Variants in SLC30A6 observed in about 807,000 individuals in gnomAD.
The protein encoded by SLC30A6 is zinc transporter 6.
A neutral mutation model predicts 63.0 loss-of-function variants in SLC30A6; 55 were observed. The observed-to-expected ratio is 0.87, with a 90% CI of 0.70 to 1.09. The LOEUF is 1.09. SLC30A6 is among the 50% of genes least tolerant of loss of function. The probability of loss-of-function intolerance (pLI) is 0.00; values close to 1 mark genes in which losing one functional copy is unlikely to be tolerated. For synonymous variants in SLC30A6, 224 were observed against 186.1 expected (o/e 1.20, Z -1.66); for missense variants, 587 against 549.2 (o/e 1.07, Z -0.69).
Position 32,220,737 on chromosome 2 carries a change from G to A in SLC30A6, c.*24G>A. ...GATAGACTCTAACTTATTTTTATAA[G>A]GAATATTGACTCCTTGGCTTCCAAT... On this transcript the variant is annotated 3_prime_UTR_variant, in exon 14 of 14. Coordinates refer to ENST00000282587, the MANE Select transcript of SLC30A6 (RefSeq NM_017964.5). 6.3e-7 allele frequency: 1 copy of A among 1,586,008 alleles called. No homozygotes were observed. Among genetic ancestry groups the A allele is most frequent in the Non-Finnish European group, 8.6e-7 (1 of 1,165,726 alleles).
chr2:32,192,462 T>A, intron 6 of SLC30A6, 46 bp downstream of exon 6: 2 of 1,535,756 alleles, frequency 1.3e-6, no homozygotes, highest in Non-Finnish European at 9.0e-7. Context: ...ATGACACCTT[T>A]GGGAACATGA....
At chr2:32,187,301 A>G (rs962586361) in intron 5 of SLC30A6, 12 of 465,652 alleles carry the variant, frequency 2.6e-5, no homozygotes, top group Non-Finnish European at 4.4e-5. Context: ...AATAATATTT[A>G]TGGTAGGCAA....
At chr2:32,182,229 G>A (rs981561311) in intron 4 of SLC30A6, among the ~76,000 whole-genome samples, 3 of 152,022 alleles carry the variant, frequency 2.0e-5, no homozygotes, top group African/African-American at 4.8e-5. Flanking sequence ...GAGCCACCAC[G>A]CCCAGCCTAA....
chr2:32,179,998 C>G lies in SLC30A6; in HGVS notation c.219-4275C>G, dbSNP rs184332063. 7.9e-5 allele frequency among the ~76,000 whole-genome samples: 12 copies of G among 152,130 alleles called. No individual in the cohort carries two copies. In the East Asian group the frequency reaches 2.3e-3, roughly 29 times the overall value. On this transcript the variant is annotated intron_variant, in intron 4 of 13. Coordinates refer to ENST00000282587, the MANE Select transcript of SLC30A6 (RefSeq NM_017964.5). Reference sequence around the variant, plus strand: ...TACCGCCAAGAGTGGTGTCTCATGCCTGTAATCCTAGTGCTTTGGGAGGCT... The same window carrying G: ...TACCGCCAAGAGTGGTGTCTCATGCGTGTAATCCTAGTGCTTTGGGAGGCT...
intron 10 of SLC30A6, among the ~76,000 whole-genome samples, chr2:32,199,570 CTT>C (rs772189887): frequency 1.2e-4 from 19 of 152,134 alleles, no homozygotes; most frequent in Non-Finnish European, 1.9e-4. Context: ...TAATTATGCT[CTT>C]GTTTATTTTA....
chr2:32,220,494 T>C lies in SLC30A6; in HGVS notation c.1167T>C (p.Phe389=). ...KPSSPPPEFS[F]NTPGKNVNPV... is the part of the protein sequence containing the mutation. ...GTAGTCCACCTCCAGAATTTTCATT[T>C]AACACTCCTGGGAAAAATGTGAACC... Residue 389 remains phenylalanine (F), a synonymous_variant, in exon 14 of 14, where the codon TTT becomes TTC. Coordinates refer to ENST00000282587, the MANE Select transcript of SLC30A6 (RefSeq NM_017964.5). 1 of 1,614,206 alleles carries C rather than the reference T, an allele frequency of 6.2e-7. No individual in the cohort carries two copies. Among genetic ancestry groups the C allele is most frequent in the Non-Finnish European group, 8.5e-7 (1 of 1,180,026 alleles).
chr2:32,175,774 A>T (rs1162271260), intron 4 of SLC30A6, among the ~76,000 whole-genome samples: 1 of 152,024 alleles, frequency 6.6e-6, no homozygotes, highest in Non-Finnish European at 1.5e-5. Context: ...TCAGGAGTTT[A>T]CGACCAGCCT....
intron 10 of SLC30A6, among the ~76,000 whole-genome samples, chr2:32,199,865 AG>A (rs1373951536): frequency 6.6e-6 from 1 of 152,122 alleles, no homozygotes; most frequent in Non-Finnish European, 1.5e-5. Flanking sequence ...CTGTAGTCCC[AG>A]CACTTTGGGA....
intron 10 of SLC30A6, among the ~76,000 whole-genome samples, chr2:32,199,137 A>T (rs759121246): frequency 1.3e-5 from 2 of 152,218 alleles, no homozygotes; most frequent in Non-Finnish European, 2.9e-5. Flanking sequence ...CTCAAGGTTC[A>T]TCTATGTTGT....
chr2:32,172,938 C>A (rs1258890501), intron 2 of SLC30A6, among the ~76,000 whole-genome samples: 3 of 152,188 alleles, frequency 2.0e-5, no homozygotes, highest in Non-Finnish European at 1.5e-5. Flanking sequence ...ATTAGCACAT[C>A]AGCCATCACT....
chr2:32,171,852 C>G (rs1302658021), intron 2 of SLC30A6, among the ~76,000 whole-genome samples: 1 of 152,076 alleles, frequency 6.6e-6, no homozygotes, highest in Non-Finnish European at 1.5e-5. Flanking sequence ...GCCACCACGC[C>G]CGGCTAATTT....
At chr2:32,212,194 C>A (rs1413346146) in intron 13 of SLC30A6, among the ~76,000 whole-genome samples, 2 of 151,892 alleles carry the variant, frequency 1.3e-5, no homozygotes, top group Admixed American at 6.6e-5. Flanking sequence ...AGTAAGTCTT[C>A]ATTTCTAAAG....
chr2:32,210,322 G>A (rs1282289688), intron 13 of SLC30A6, among the ~76,000 whole-genome samples: 1 of 151,966 alleles, frequency 6.6e-6, no homozygotes, highest in African/African-American at 2.4e-5. Context: ...GACCAACTTG[G>A]CTAACATGGT....
At chr2:32,187,393 G>C in intron 5 of SLC30A6, 1 of 385,434 alleles carries the variant, frequency 2.6e-6, no homozygotes, top group Non-Finnish European at 5.1e-6. Flanking sequence ...GCTTGGGCCA[G>C]CTTGGAACAG....
chr2:32,176,099 A>C (rs955195481), intron 4 of SLC30A6, among the ~76,000 whole-genome samples: 31 of 152,206 alleles, frequency 2.0e-4, no homozygotes, highest in Non-Finnish European at 7.3e-5. Context: ...AATTTTGCTA[A>C]CATTTGAAGG....
chr2:32,199,341 C>A (rs775113960), intron 10 of SLC30A6, among the ~76,000 whole-genome samples: 4 of 152,084 alleles, frequency 2.6e-5, no homozygotes, highest in Non-Finnish European at 5.9e-5. Context: ...CCTTTCAGTT[C>A]GTGTGGGTAT....
intron 13 of SLC30A6, among the ~76,000 whole-genome samples, chr2:32,216,285 C>T (rs571349312): frequency 6.6e-6 from 1 of 152,224 alleles, no homozygotes; most frequent in East Asian, 1.9e-4. Flanking sequence ...CCTGTAATCC[C>T]AGCACTTTGG....
intron 7 of SLC30A6, among the ~76,000 whole-genome samples, chr2:32,193,470 A>G (rs959365572): frequency 2.0e-5 from 3 of 152,172 alleles, no homozygotes; most frequent in Admixed American, 6.6e-5. Flanking sequence ...TCATATATAT[A>G]TGAAAAGAGA....
intron 2 of SLC30A6, among the ~76,000 whole-genome samples, chr2:32,173,103 G>A (rs1233782383): frequency 6.6e-6 from 1 of 152,000 alleles, no homozygotes; most frequent in East Asian, 1.9e-4. Flanking sequence ...CCTCTTTCTT[G>A]CATCGTAATT....
Sources: allele counts gnomAD v4.1 joint callset (sites outside exome capture counted in the v4.1 genomes callset), GRCh38; gene constraint gnomAD v4.1.1; transcripts MANE v1.5; gene names NCBI Gene and HGNC (gene_info 2026-07-23, HGNC 2026-07-21).